Variants in ENTREP2 observed in about 807,000 individuals in gnomAD.
ENTREP2 encodes the protein protein ENTREP2.
the ENTREP2 span, among the ~76,000 whole-genome samples, chr15:29,137,968 A>G: frequency 6.6e-6 from 1 of 151,826 alleles, no homozygotes; most frequent in East Asian, 2.0e-4. Context: ...GGGAAATGCC[A>G]CATGCTCCCT....
At chr15:29,371,349 AACACACACACAC>A in the ENTREP2 span, among the ~76,000 whole-genome samples, 600 of 133,978 alleles carry the variant, frequency 4.5e-3, 2 homozygotes, top group Non-Finnish European at 5.6e-3. Flanking sequence ...CACCCCCGCA[AACACACACACAC>A]ACACACACAC....
the ENTREP2 span, among the ~76,000 whole-genome samples, chr15:29,251,090 TC>T: frequency 6.6e-6 from 1 of 152,096 alleles, no homozygotes; most frequent in African/African-American, 2.4e-5. Context: ...AACAACATGG[TC>T]CCAAGCCAAG....
the ENTREP2 span, among the ~76,000 whole-genome samples, chr15:29,510,539 A>G: frequency 6.6e-6 from 1 of 152,172 alleles, no homozygotes; most frequent in African/African-American, 2.4e-5. Context: ...AATGTGGCAC[A>G]TATACACCTG....
At chr15:29,427,499 T>C in the ENTREP2 span, among the ~76,000 whole-genome samples, 2 of 152,202 alleles carry the variant, frequency 1.3e-5, no homozygotes, top group African/African-American at 4.8e-5. Flanking sequence ...ACTGAGCTCC[T>C]TCTGGAAGCT....
the ENTREP2 span, among the ~76,000 whole-genome samples, chr15:29,128,610 G>T: frequency 1.3e-5 from 2 of 152,152 alleles, no homozygotes; most frequent in East Asian, 1.9e-4. Context: ...AGAAATGTGG[G>T]GATATACAGG....
chr15:29,542,592 C>T, the ENTREP2 span, among the ~76,000 whole-genome samples: 6 of 152,328 alleles, frequency 3.9e-5, no homozygotes, highest in Admixed American at 6.5e-5. Flanking sequence ...GCGTGAGCCA[C>T]GGCGCCCGGC....
chr15:29,268,420 G>T, the ENTREP2 span: 1 of 217,952 alleles, frequency 4.6e-6, no homozygotes. Flanking sequence ...CTTACAAACT[G>T]GGGTAGTTAG....
At chr15:29,575,720 A>G in the ENTREP2 span, among the ~76,000 whole-genome samples, 1 of 152,204 alleles carries the variant, frequency 6.6e-6, no homozygotes, top group African/African-American at 2.4e-5. Context: ...CCAATAATGA[A>G]TAATCTGAAA....
chr15:29,422,913 G>A, the ENTREP2 span, among the ~76,000 whole-genome samples: 1 of 152,154 alleles, frequency 6.6e-6, no homozygotes, highest in Non-Finnish European at 1.5e-5. Flanking sequence ...ACCTAAGAAG[G>A]CTAGGGGATC....
the ENTREP2 span, among the ~76,000 whole-genome samples, chr15:29,258,861 ATTTCACTTATAGCATAATGTCTT>A: frequency 2.6e-5 from 4 of 152,190 alleles, no homozygotes; most frequent in African/African-American, 9.7e-5. Context: ...TGACTGGCTG[ATTTCACTTATAGCATAATGTCTT>A]CAAGGTTCAT....
the ENTREP2 span, among the ~76,000 whole-genome samples, chr15:29,388,811 G>A: frequency 1.3e-5 from 2 of 152,060 alleles, no homozygotes; most frequent in Admixed American, 1.3e-4. Context: ...CATGTCCTTT[G>A]TAGAGACATG....
the ENTREP2 span, among the ~76,000 whole-genome samples, chr15:29,316,711 T>TC: frequency 6.6e-6 from 1 of 152,148 alleles, no homozygotes; most frequent in African/African-American, 2.4e-5. Context: ...TGTATATAGT[T>TC]GAGATATCCA....
chr15:29,257,039 T>A, the ENTREP2 span, among the ~76,000 whole-genome samples: 26 of 145,112 alleles, frequency 1.8e-4, no homozygotes, highest in South Asian at 5.3e-3. Flanking sequence ...CAGTTTATTT[T>A]TTTATTATTT....
At chr15:29,306,664 A>ATT in the ENTREP2 span, among the ~76,000 whole-genome samples, 355 of 77,308 alleles carry the variant, frequency 4.6e-3, 64 homozygotes, top group Non-Finnish European at 7.9e-3. Flanking sequence ...ATAATTGGTA[A>ATT]TTTTTTTTTT....
chr15:29,655,012 T>C, the ENTREP2 span, among the ~76,000 whole-genome samples: 4 of 152,220 alleles, frequency 2.6e-5, no homozygotes, highest in African/African-American at 9.7e-5. Context: ...TCACTGCTGT[T>C]GTCAAATGAT....
chr15:29,455,239 C>G, the ENTREP2 span, among the ~76,000 whole-genome samples: 15 of 152,126 alleles, frequency 9.9e-5, no homozygotes, highest in African/African-American at 3.6e-4. Flanking sequence ...CCCCTGCCCG[C>G]CCCAGCTTAC....
the ENTREP2 span, among the ~76,000 whole-genome samples, chr15:29,246,919 C>A: frequency 2.7e-5 from 4 of 147,436 alleles, no homozygotes; most frequent in Non-Finnish European, 6.0e-5. Context: ...GAGTAGCCCA[C>A]GTGTGTAAAA....
At chr15:29,192,635 G>A in the ENTREP2 span, among the ~76,000 whole-genome samples, 3 of 152,204 alleles carry the variant, frequency 2.0e-5, no homozygotes, top group African/African-American at 7.2e-5. Flanking sequence ...GATCACTGAG[G>A]TAAGGTAGCA....
the ENTREP2 span, among the ~76,000 whole-genome samples, chr15:29,310,138 C>T: frequency 7.7e-3 from 1,169 of 152,206 alleles, 11 homozygotes; most frequent in African/African-American, 0.025. Context: ...GGGGGCAGGA[C>T]AGAAATAAGT....
Sources: gnomAD v4.1 joint callset for allele counts (sites outside exome capture counted in the v4.1 genomes callset) on GRCh38, gnomAD v4.1.1 for gene constraint, MANE v1.5 for transcripts, NCBI Gene and HGNC (gene_info 2026-07-23, HGNC 2026-07-21) for gene names.